Variants in SV2C observed in about 807,000 individuals in gnomAD.
The protein encoded by SV2C is synaptic vesicle glycoprotein 2C.
A neutral mutation model predicts 79.7 loss-of-function variants in SV2C; 49 were observed. The ratio of observed to expected loss-of-function variants is 0.61; its 90% CI spans 0.49 to 0.78. The LOEUF is 0.78. Ranked by LOEUF, SV2C falls within the 30% of genes least tolerant of loss-of-function variation. SV2C has a pLI of 0.00. For missense variants in SV2C, 833 were observed against 912.9 expected (o/e 0.91, Z 1.13); for synonymous variants, 334 against 333.2 (o/e 1.00, Z -0.03).
intron 2 of SV2C, among the ~76,000 whole-genome samples, chr5:76,172,205 T>A (rs1165912358): frequency 3.1e-5 from 1 of 32,462 alleles, no homozygotes; most frequent in Non-Finnish European, 5.4e-5. Context: ...GAGGAGCCCC[T>A]CTGCCCGGCC....
the SV2C span, among the ~76,000 whole-genome samples, chr5:75,998,958 G>A: frequency 0.46 from 70,089 of 151,884 alleles, 17,001 homozygotes; most frequent in Middle Eastern, 0.63. Flanking sequence ...ACAAAAGAAA[G>A]AGTTTTAATT....
At chr5:75,947,847 T>C in the SV2C span, among the ~76,000 whole-genome samples, 4 of 152,112 alleles carry the variant, frequency 2.6e-5, no homozygotes, top group African/African-American at 9.6e-5. Context: ...TCCTTGATCT[T>C]GCTTTTATCA....
the SV2C span, among the ~76,000 whole-genome samples, chr5:75,969,688 C>T: frequency 6.6e-6 from 1 of 152,082 alleles, no homozygotes; most frequent in African/African-American, 2.4e-5. Flanking sequence ...CCTGAGTGAC[C>T]TACAAAGAGA....
chr5:76,057,598 G>C, the SV2C span, among the ~76,000 whole-genome samples: 1 of 152,078 alleles, frequency 6.6e-6, no homozygotes, highest in Admixed American at 6.6e-5. Flanking sequence ...TCCTAGGTTT[G>C]AATTTTGGTT....
the SV2C span, among the ~76,000 whole-genome samples, chr5:75,959,967 G>T: frequency 6.6e-6 from 1 of 151,920 alleles, no homozygotes; most frequent in African/African-American, 2.4e-5. Context: ...TTATTGCAGA[G>T]TAAATTTGCT....
the SV2C span, among the ~76,000 whole-genome samples, chr5:75,861,205 A>G: frequency 6.6e-6 from 1 of 152,230 alleles, no homozygotes; most frequent in South Asian, 2.1e-4. Context: ...AGAAGACATA[A>G]AAGTGGCTAA....
chr5:76,173,613 C>T (rs769926988), intron 2 of SV2C: 26 of 1,604,580 alleles, frequency 1.6e-5, no homozygotes, highest in Non-Finnish European at 1.9e-5. Context: ...CTCAGAGCTA[C>T]AATGCATTTA....
chr5:76,274,350 A>G (rs898315437), intron 4 of SV2C, among the ~76,000 whole-genome samples: 3 of 152,208 alleles, frequency 2.0e-5, no homozygotes, highest in Admixed American at 2.0e-4. Flanking sequence ...AAAAGTCCTC[A>G]TGAGCTTCTC....
the SV2C span, among the ~76,000 whole-genome samples, chr5:76,070,117 C>A: frequency 1.3e-5 from 2 of 152,120 alleles, no homozygotes; most frequent in African/African-American, 4.8e-5. Context: ...CTCCAGGGCC[C>A]CAGCCCACAC....
chr5:76,096,282 T>C (rs1486916453), intron 1 of SV2C, among the ~76,000 whole-genome samples: 2 of 152,196 alleles, frequency 1.3e-5, no homozygotes, highest in Non-Finnish European at 2.9e-5. Context: ...ATAAATTTCT[T>C]ATTGGCTTTC....
the SV2C span, among the ~76,000 whole-genome samples, chr5:76,052,383 G>A: frequency 2.0e-5 from 3 of 152,216 alleles, no homozygotes; most frequent in Non-Finnish European, 2.9e-5. Context: ...CTTCATGATG[G>A]GCAGGCTATA....
chr5:76,170,709 G>A (rs1478881076), intron 2 of SV2C, among the ~76,000 whole-genome samples: 1 of 149,938 alleles, frequency 6.7e-6, no homozygotes, highest in African/African-American at 2.4e-5. Context: ...ATACTGAAAG[G>A]ACTATCATAT....
intron 4 of SV2C, among the ~76,000 whole-genome samples, chr5:76,243,012 T>TAAAAAAAAAAAAAAAAAAAAAAAAAA (rs559052290): frequency 1.8e-4 from 9 of 49,924 alleles, no homozygotes; most frequent in Admixed American, 3.0e-4. Flanking sequence ...AGACCCCATC[T>TAAAAAAAAAAAAAAAAAAAAAAAAAA]AAAAAAAAAA....
the SV2C span, among the ~76,000 whole-genome samples, chr5:76,032,398 T>A: frequency 1.3e-5 from 2 of 151,584 alleles, no homozygotes; most frequent in Non-Finnish European, 2.9e-5. Flanking sequence ...CCCGCCCCTC[T>A]CCCCCGACCC....
chr5:76,137,627 G>C (rs140932640), intron 2 of SV2C, among the ~76,000 whole-genome samples: 24 of 152,032 alleles, frequency 1.6e-4, no homozygotes, highest in Admixed American at 6.6e-4. Flanking sequence ...AGAGTCTTTC[G>C]GCCCCAAAAT....
At chr5:75,952,284 T>TTCCC in the SV2C span, among the ~76,000 whole-genome samples, 1 of 136,266 alleles carries the variant, frequency 7.3e-6, no homozygotes, top group Admixed American at 7.1e-5. Context: ...CCTTCCTTCC[T>TTCCC]TCCTTTCTTC....
At chr5:76,185,587 G>A (rs555953567) in intron 2 of SV2C, among the ~76,000 whole-genome samples, 3 of 152,344 alleles carry the variant, frequency 2.0e-5, no homozygotes, top group African/African-American at 4.8e-5. Context: ...ACCAAGGCTT[G>A]GGGCTTGCAC....
At chr5:76,233,644 C>T (rs1374711929) in intron 4 of SV2C, among the ~76,000 whole-genome samples, 2 of 150,996 alleles carry the variant, frequency 1.3e-5, no homozygotes, top group Non-Finnish European at 2.9e-5. Context: ...GAGTTTTTAG[C>T]ATGAAGGGTT....
chr5:75,966,891 A>G, the SV2C span, among the ~76,000 whole-genome samples: 1 of 152,176 alleles, frequency 6.6e-6, no homozygotes, highest in South Asian at 2.1e-4. Flanking sequence ...CTCAAGACAG[A>G]TTTAGGCCCT....
Sources: gnomAD v4.1 joint callset for allele counts (sites outside exome capture counted in the v4.1 genomes callset) on GRCh38, gnomAD v4.1.1 for gene constraint, MANE v1.5 for transcripts, NCBI Gene and HGNC (gene_info 2026-07-23, HGNC 2026-07-21) for gene names.